TM2D3: variants seen among roughly 807,000 people sequenced by gnomAD.
The protein encoded by TM2D3 is TM2 domain containing 3.
A neutral mutation model predicts 27.3 loss-of-function variants in TM2D3; 33 were observed. That is an observed-to-expected ratio of 1.21 (90% CI 0.92 to 1.61). The LOEUF is 1.61. TM2D3 is among the 40% of genes most tolerant of loss of function. The probability of loss-of-function intolerance (pLI) is 0.00; values close to 1 mark genes in which losing one functional copy is unlikely to be tolerated. For missense variants in TM2D3, 364 were observed against 320.8 expected (o/e 1.13, Z -1.03); for synonymous variants, 138 against 122.2 (o/e 1.13, Z -0.85).
chr15:101,640,057 T>G (rs931895238), downstream of TM2D3, among the ~76,000 whole-genome samples: 1 of 152,178 alleles, frequency 6.6e-6, no homozygotes, highest in Non-Finnish European at 1.5e-5. Context: ...TAGAGAACTA[T>G]CAATAGAGGA....
Position 101,646,815 on chromosome 15 carries a change from A to G in TM2D3, c.412T>C (p.Cys138Arg), listed in dbSNP as rs1896825003. The change falls in exon 4 of 6, where the codon TGT (cysteine) becomes CGT (arginine). Residue 138 changes from cysteine to arginine, a missense_variant. Physicochemically the swap from Cys to Arg is radical, Grantham distance 180. Coordinates refer to ENST00000333202, the MANE Select transcript of TM2D3 (RefSeq NM_078474.3). ...CWQLPETDYE[C>R]TNSTSCMTVS... ...GTCATGCAGCTGGTGGAGTTGGTAC[A>G]CTCGTAATCTGTTTCAGGAAGCTGC... is the stretch of plus-strand genomic sequence containing the variant. 5 of 1,614,036 alleles carry G rather than the reference A, an allele frequency of 3.1e-6. No homozygotes were observed. The highest frequency in any genetic ancestry group is 1.7e-5 in the Admixed American group (1 of 59,998).
intron 5 of TM2D3, among the ~76,000 whole-genome samples, chr15:101,644,416 A>G (rs969863775): frequency 1.3e-5 from 2 of 152,226 alleles, no homozygotes; most frequent in African/African-American, 4.8e-5. Flanking sequence ...CACAGCCCCA[A>G]GACAAAAACT....
downstream of TM2D3, among the ~76,000 whole-genome samples, chr15:101,639,173 TAC>T (rs1212729853): frequency 1.3e-5 from 2 of 152,242 alleles, no homozygotes; most frequent in Admixed American, 6.5e-5. Flanking sequence ...ATAGCATCAC[TAC>T]AGTTATCATA....
chr15:101,641,941 C>T lies in TM2D3; in HGVS notation c.*538G>A. ...ACCATAACTAGACATAAACATTCTG[C>T]AGTTTAATTCAAATTTTCATATATA... On this transcript the variant is annotated 3_prime_UTR_variant, in exon 6 of 6. Coordinates refer to ENST00000333202, the MANE Select transcript of TM2D3 (RefSeq NM_078474.3). 1.5e-5 allele frequency: 15 copies of T among 984,508 alleles called. No individual in the cohort carries two copies. The highest frequency in any genetic ancestry group is 1.7e-5 in the Non-Finnish European group (14 of 829,092). The allele number at this position is 984,508 out of a possible 1,614,324, so 61.0% of individuals were successfully genotyped here.
chr15:101,645,309 T>G, intron 4 of TM2D3, 147 bp from the exon 5 acceptor site: 2,498 of 539,902 alleles, frequency 4.6e-3, no homozygotes, highest in Non-Finnish European at 5.5e-3. Context: ...ACAAAGCGCT[T>G]ACCATCTATC....
intron 2 of TM2D3, 124 bp from the exon 3 acceptor site, chr15:101,650,285 T>G: frequency 9.9e-7 from 1 of 1,008,716 alleles, no homozygotes; most frequent in East Asian, 2.6e-5. Context: ...GGAAGAAGCA[T>G]GGGACTGGAG....
In TM2D3 at chr15:101,633,589, C is replaced by T. The variant is rs542129202; in HGVS notation, c.*88G>A. 4.0e-4 allele frequency: 450 copies of T among 1,121,120 alleles called. 3 individuals are homozygous for T. The highest frequency in any genetic ancestry group is 1.1e-3 in the Admixed American group (50 of 45,110). The allele number at this position is 1,121,120 out of a possible 1,614,324, so 69.4% of individuals were successfully genotyped here. ...CTTCAAGGACTGCTGTGGTTAGGGA[C>T]GCTCATCTGCAACAACACAGTGTAA... On this transcript the variant is annotated 3_prime_UTR_variant, in exon 5 of 5. Transcript: ENST00000428002.
intron 5 of TM2D3, among the ~76,000 whole-genome samples, chr15:101,644,713 GT>G (rs912830910): frequency 6.6e-6 from 1 of 152,070 alleles, no homozygotes; most frequent in Non-Finnish European, 1.5e-5. Context: ...AATTTTTAAT[GT>G]TTTTGTCATT....
At chr15:101,647,960 C>T (rs1204398679) in intron 3 of TM2D3, among the ~76,000 whole-genome samples, 1 of 151,916 alleles carries the variant, frequency 6.6e-6, no homozygotes, top group Non-Finnish European at 1.5e-5. Flanking sequence ...TGCGGTGGTG[C>T]AATCTCGGCT....
At chr15:101,644,449 G>C (rs189306723) in intron 5 of TM2D3, among the ~76,000 whole-genome samples, 1 of 152,340 alleles carries the variant, frequency 6.6e-6, no homozygotes, top group African/African-American at 2.4e-5. Flanking sequence ...AACGTCAGCA[G>C]TGATGAGGCT....
At chr15:101,652,107 G>A (rs1461811716) in intron 1 of TM2D3, 164 bp downstream of exon 1, 10 of 631,748 alleles carry the variant, frequency 1.6e-5, no homozygotes, top group Non-Finnish European at 2.3e-5. Context: ...CTCGGGCCGG[G>A]CGGCCAGGGC....
chr15:101,634,281 A>C (rs1460381709), intron 4 of TM2D3: 2 of 152,344 alleles, frequency 1.3e-5, no homozygotes, highest in Admixed American at 1.3e-4. Flanking sequence ...TAAAAATACA[A>C]AAATTAGCCA....
rs1227729788 is a variant in TM2D3 at position 101,641,936 on chromosome 15, T to C, written c.*543A>G. The C allele has an allele frequency of 2.5e-5, 25 of 984,370 alleles. No individual in the cohort carries two copies. Among genetic ancestry groups the C allele is most frequent in the African/African-American group, 3.5e-5 (2 of 57,234 alleles). 61.0% of individuals were successfully genotyped at this position (984,370 alleles called of 1,614,324 possible). ...TTTAAACCATAACTAGACATAAACA[T>C]TCTGCAGTTTAATTCAAATTTTCAT... On this transcript the variant is annotated 3_prime_UTR_variant, in exon 6 of 6. Coordinates refer to ENST00000333202, the MANE Select transcript of TM2D3 (RefSeq NM_078474.3).
chr15:101,647,736 A>T (rs1337401624), intron 3 of TM2D3, among the ~76,000 whole-genome samples: 1 of 152,130 alleles, frequency 6.6e-6, no homozygotes, highest in African/African-American at 2.4e-5. Flanking sequence ...TATATTTATA[A>T]ATTTACTAAA....
intron 3 of TM2D3, among the ~76,000 whole-genome samples, chr15:101,647,862 TATATATGTATACATATATATACAC>T (rs1896856284): frequency 6.6e-6 from 1 of 151,968 alleles, no homozygotes; most frequent in South Asian, 2.1e-4. Flanking sequence ...GCATCATGTA[TATATATGTATACATATATATACAC>T]ATACACACAT....
At chr15:101,633,734 C>T (rs1166754754) in intron 4 of TM2D3, 1 of 1,527,256 alleles carries the variant, frequency 6.5e-7, no homozygotes, top group South Asian at 1.2e-5. Flanking sequence ...GCAGACTATA[C>T]CCAAAAAGAA....
At chr15:101,635,891 C>T (rs1350938113) in intron 4 of TM2D3, 3 of 152,060 alleles carry the variant, frequency 2.0e-5, no homozygotes, top group Non-Finnish European at 4.4e-5. Flanking sequence ...GACTGTGTTT[C>T]TTCCTGTCTT....
chr15:101,652,137 G>T, intron 1 of TM2D3, 134 bp downstream of exon 1: 1 of 868,912 alleles, frequency 1.2e-6, no homozygotes, highest in East Asian at 3.1e-5. Flanking sequence ...CAGATGCAGC[G>T]ACAAGCGGCC....
chr15:101,643,623 G>GC (rs1896728041), intron 5 of TM2D3, among the ~76,000 whole-genome samples: 1 of 62,702 alleles, frequency 1.6e-5, no homozygotes. Context: ...AAAAAAAAAA[G>GC]CAAAAAAAAA....
Sources: allele counts gnomAD v4.1 joint callset (sites outside exome capture counted in the v4.1 genomes callset), GRCh38; gene constraint gnomAD v4.1.1; transcripts MANE v1.5; gene names NCBI Gene and HGNC (gene_info 2026-07-23, HGNC 2026-07-21).